The following HMCN1 variants were observed in gnomAD, a reference collection of about 807,000 sequenced individuals.
The protein encoded by HMCN1 is hemicentin-1.
A neutral mutation model predicts 625.9 loss-of-function variants in HMCN1; 321 were observed. The observed-to-expected ratio is 0.51, with a 90% confidence interval of 0.47 to 0.56. The LOEUF (loss-of-function observed/expected upper bound fraction) is 0.56. HMCN1 is among the 20% of genes least tolerant of loss of function. HMCN1 has a pLI of 0.00. For synonymous variants in HMCN1, 2,425 were observed against 2,417.6 expected (o/e 1.00, Z -0.09); for missense variants, 6,588 against 6,887.3 (o/e 0.96, Z 1.54).
chr1:186,110,974 A>ATTTTTTTTTTTTTTT (rs778503338), intron 71 of HMCN1, among the ~76,000 whole-genome samples: 5 of 59,948 alleles, frequency 8.3e-5, no homozygotes, highest in South Asian at 5.1e-4. Context: ...ACCAGAGAAA[A>ATTTTTTTTTTTTTTT]TTCTTTTTTT....
chr1:186,143,654 G>T (rs1178860932), intron 89 of HMCN1, among the ~76,000 whole-genome samples: 1 of 152,212 alleles, frequency 6.6e-6, no homozygotes, highest in Non-Finnish European at 1.5e-5. Context: ...TCATCATGTT[G>T]TTGAAAGATC....
In HMCN1 at chr1:186,001,160, A is replaced by G. The variant is rs10911795; in HGVS notation, c.4070-138A>G. On this transcript the variant is annotated intron_variant, in intron 26 of 106. Transcript: ENST00000271588. ...GGTCAAAACTTTTTAATTTTATAACAAAGCATATGCTTAAATATGTCTAGC... is the reference window on the plus strand; with the variant it reads ...GGTCAAAACTTTTTAATTTTATAACGAAGCATATGCTTAAATATGTCTAGC... 29 of 711,900 alleles carry G rather than the reference A, an allele frequency of 4.1e-5. No individual in the cohort carries two copies. The African/African-American group carries it at 4.9e-4, about 12-fold the overall frequency. 44.1% of individuals were successfully genotyped at this position (711,900 alleles called of 1,614,324 possible).
At chr1:186,110,974 A>ATTTTTTTTTT (rs778503338) in intron 71 of HMCN1, among the ~76,000 whole-genome samples, 2 of 59,950 alleles carry the variant, frequency 3.3e-5, no homozygotes, top group African/African-American at 1.6e-4. Context: ...ACCAGAGAAA[A>ATTTTTTTTTT]TTCTTTTTTT....
At chr1:186,019,416 T>C in intron 34 of HMCN1, 125 bp from the exon 35 acceptor site, 1 of 729,060 alleles carries the variant, frequency 1.4e-6, no homozygotes, top group Non-Finnish European at 2.4e-6. Flanking sequence ...AAGTATTTCA[T>C]TGTTAAAATA....
rs929662496 is a variant in HMCN1, at chr1:185,951,691, G to A, written c.1829-10827G>A. ...TTTCAGTGGGGTCCTACACAGATGG[G>A]ACGTGGCTTAGGAGGAATCCCGGGC... On this transcript the variant is annotated intron_variant, in intron 11 of 106. Transcript: ENST00000271588. Among the ~76,000 whole-genome samples the A allele has an allele frequency of 9.7e-4, 147 of 151,810 alleles. 3 individuals carry two copies. The highest frequency in any genetic ancestry group is 2.9e-4 in the Non-Finnish European group (20 of 67,978).
In HMCN1 at chr1:186,115,299, A is replaced by G; in HGVS notation, c.11446A>G (p.Ile3816Val). ...TCCGGGTCCTACCAACATGACTGTA[A>G]TAGTAAATGTTCAAACTACTCTGGC... Reference protein sequence around the residue: ...IAPGPTNMTVIVNVQTTLACE... With the variant: ...IAPGPTNMTVVVNVQTTLACE... The change falls in exon 75 of 107, where the codon ATA becomes GTA. Residue 3816 changes from isoleucine (I) to valine (V), a missense_variant. Around this residue, in one of 3 missense-constraint regions of HMCN1, gnomAD observed 4,628 missense variants for 4,853.1 expected, o/e 0.95. Transcript: ENST00000271588. 1.2e-6 allele frequency: 2 copies of G among 1,614,038 alleles called. No individual in the cohort carries two copies. The highest frequency in any genetic ancestry group is 1.1e-5 in the South Asian group (1 of 91,090).
intron 30 of HMCN1, among the ~76,000 whole-genome samples, chr1:186,012,719 G>A (rs372700201): frequency 6.6e-6 from 1 of 152,078 alleles, no homozygotes. Context: ...CAGAAATTTA[G>A]TTTGGTTGTA....
chr1:186,150,162 A>G (rs1286938463), intron 93 of HMCN1, among the ~76,000 whole-genome samples: 3 of 152,348 alleles, frequency 2.0e-5, no homozygotes, highest in East Asian at 3.9e-4. Flanking sequence ...GCAAAGAGCA[A>G]CAAAGCAAAG....
chr1:185,830,235 G>C (rs911607221), intron 1 of HMCN1, among the ~76,000 whole-genome samples: 2 of 152,122 alleles, frequency 1.3e-5, no homozygotes, highest in African/African-American at 4.8e-5. Context: ...TTGCTTTGCA[G>C]AAGCTCTTTA....
Position 185,933,558 on chromosome 1 carries a change from C to T in HMCN1, c.1562C>T (p.Pro521Leu), listed in dbSNP as rs750199952. 1.4e-5 allele frequency: 22 copies of T among 1,613,760 alleles called. No homozygotes were observed. Among genetic ancestry groups the T allele is most frequent in the East Asian group, 4.5e-5 (2 of 44,890 alleles). ...QTFFDVSEPP[P>L]VIQVPNNVTV... ...TTTTGATTTCACACAGAGCCCCCTC[C>T]GGTCATCCAAGTGCCTAACAATGTT... The change falls in exon 11 of 107, where the codon CCG (proline) becomes CTG (leucine). Residue 521 changes from proline (P) to leucine (L), a missense_variant. Pro to Leu is a moderately conservative substitution (Grantham distance 98). Coordinates refer to ENST00000271588, the MANE Select transcript of HMCN1 (RefSeq NM_031935.3).
In HMCN1 at chr1:186,003,982, C is replaced by T. The variant is rs1005954738; in HGVS notation, c.4475+138C>T. 7.3e-6 allele frequency: 6 copies of T among 818,910 alleles called. No homozygotes were observed. The African/African-American group carries it at 8.7e-5, about 12-fold the overall frequency. The allele number at this position is 818,910 out of a possible 1,614,324, so 50.7% of individuals were successfully genotyped here. A position where few individuals can be genotyped will look rare whatever the true frequency, so the allele number is the denominator to read the frequency against. On this transcript the variant is annotated intron_variant, in intron 29 of 106. Transcript: ENST00000271588. The stretch of plus-strand genomic sequence containing the variant: ...TGAGCATACAGGAAAAACAATATTG[C>T]TCAAAAGCTAGTCTGAAAGTCTTGT...
At chr1:186,146,741 G>C (rs1650340385) in intron 93 of HMCN1, among the ~76,000 whole-genome samples, 1 of 152,194 alleles carries the variant, frequency 6.6e-6, no homozygotes, top group African/African-American at 2.4e-5. Context: ...AGGACTTTGA[G>C]GCTCCAGCTG....
intron 11 of HMCN1, among the ~76,000 whole-genome samples, chr1:185,949,384 A>G (rs1289724256): frequency 6.6e-6 from 1 of 151,874 alleles, no homozygotes; most frequent in Non-Finnish European, 1.5e-5. Context: ...ACAGGAGCTC[A>G]AATGGGCTGT....
chr1:185,931,781 G>C (rs1667565201), intron 10 of HMCN1, among the ~76,000 whole-genome samples: 1 of 152,120 alleles, frequency 6.6e-6, no homozygotes, highest in African/African-American at 2.4e-5. Context: ...CTGGAAAGGG[G>C]GGTCTAACCT....
At chr1:185,980,907 A>G (rs1423894015) in intron 16 of HMCN1, 71 bp from the exon 17 acceptor site, 8 of 940,500 alleles carry the variant, frequency 8.5e-6, no homozygotes, top group Non-Finnish European at 1.4e-5. Flanking sequence ...CACAGATCTC[A>G]GCACTGTTTC....
intron 42 of HMCN1, among the ~76,000 whole-genome samples, chr1:186,051,449 T>C (rs2102273431): frequency 6.6e-6 from 1 of 152,140 alleles, no homozygotes; most frequent in South Asian, 2.1e-4. Flanking sequence ...AAGTAGTTAG[T>C]TGGATATTAA....
chr1:186,057,631 C>T (rs1488490948), intron 46 of HMCN1, among the ~76,000 whole-genome samples: 3 of 151,926 alleles, frequency 2.0e-5, no homozygotes, highest in Admixed American at 6.6e-5. Flanking sequence ...TCTTGGCACT[C>T]GCTGATTACG....
chr1:186,151,573 G>T, intron 94 of HMCN1, 33 bp from the exon 95 acceptor site: 3 of 1,592,330 alleles, frequency 1.9e-6, no homozygotes, highest in Non-Finnish European at 1.7e-6. Context: ...TAAAAATTTT[G>T]CTATCACCTT....
chr1:186,131,262 C>T (rs1661916463), intron 85 of HMCN1, among the ~76,000 whole-genome samples: 1 of 152,066 alleles, frequency 6.6e-6, no homozygotes, highest in Non-Finnish European at 1.5e-5. Context: ...TTACCCAATC[C>T]AGTGGACCAG....
Sources: allele counts gnomAD v4.1 joint callset (sites outside exome capture counted in the v4.1 genomes callset), GRCh38; gene constraint gnomAD v4.1.1; regional missense constraint gnomAD v4.1.1; transcripts MANE v1.5; gene names NCBI Gene and HGNC (gene_info 2026-07-23, HGNC 2026-07-21).